The following PPP1CB variants were observed in gnomAD, a reference collection of about 807,000 sequenced individuals.
PPP1CB encodes protein phosphatase 1 catalytic subunit beta, also known as serine/threonine-protein phosphatase PP1-beta catalytic subunit.
In PPP1CB, 2 loss-of-function variants were observed where a neutral mutation model predicts 43.7. The observed-to-expected ratio is 0.05, with a 90% CI of 0.02 to 0.14. The LOEUF (loss-of-function observed/expected upper bound fraction) is 0.14, where lower values mean the gene tolerates loss of function less well. Ranked by LOEUF, PPP1CB falls within the 10% of genes least tolerant of loss-of-function variation. PPP1CB has a pLI of 1.00. For synonymous variants in PPP1CB, 136 were observed against 135.6 expected (o/e 1.00, Z -0.02); for missense variants, 84 against 398.0 (o/e 0.21, Z 6.71).
intron 5 of PPP1CB, among the ~76,000 whole-genome samples, chr2:28,787,844 A>G (rs80184438): frequency 0.019 from 2,855 of 152,222 alleles, 91 homozygotes; most frequent in African/African-American, 0.066. Context: ...TGTATTCCTA[A>G]GGTGGTCTGA....
rs1553312779 is a variant in PPP1CB at position 28,800,226 on chromosome 2, C to CTTTCTTT, written c.*926_*927insCTTTTTT. 9 of 65,624 alleles carry CTTTCTTT rather than the reference C, an allele frequency of 1.4e-4. No individual in the cohort carries two copies. Among genetic ancestry groups the CTTTCTTT allele is most frequent in the African/African-American group, 5.1e-4 (8 of 15,756 alleles). The allele number at this position is 65,624 out of a possible 1,614,324, so 4.1% of individuals were successfully genotyped here. On this transcript the variant is annotated 3_prime_UTR_variant, in exon 8 of 8. Coordinates refer to ENST00000395366, the MANE Select transcript of PPP1CB (RefSeq NM_002709.3). Reference sequence around the variant, plus strand: ...TTGGTTTTCTTTTTCTTTTTTCTTTCTTTTTTTTTTTTTTTTTTTTTTTGA... The same window carrying CTTTCTTT: ...TTGGTTTTCTTTTTCTTTTTTCTTTCTTTCTTTTTTTTTTTTTTTTTTTTTTTTTTGA...
intron 5 of PPP1CB, among the ~76,000 whole-genome samples, chr2:28,785,086 T>TTTTTTTTTTTTTTTTTTTC: frequency 8.5e-6 from 1 of 117,072 alleles, no homozygotes; most frequent in Non-Finnish European, 1.8e-5. Context: ...TTTTTTTTTT[T>TTTTTTTTTTTTTTTTTTTC]TTTTTTTGAG....
chr2:28,763,886 A>G (rs534626313), intron 1 of PPP1CB, among the ~76,000 whole-genome samples: 1 of 151,220 alleles, frequency 6.6e-6, no homozygotes, highest in Non-Finnish European at 1.5e-5. Flanking sequence ...TCGTATTTTT[A>G]GTAGAGACGG....
At chr2:28,761,997 T>G (rs894218743) in intron 1 of PPP1CB, among the ~76,000 whole-genome samples, 2 of 152,170 alleles carry the variant, frequency 1.3e-5, no homozygotes, top group Non-Finnish European at 2.9e-5. Flanking sequence ...AAAATTTCTG[T>G]TCTCGGCCGG....
chr2:28,767,129 T>G (rs1666796920), intron 1 of PPP1CB, among the ~76,000 whole-genome samples: 1 of 152,128 alleles, frequency 6.6e-6, no homozygotes, highest in African/African-American at 2.4e-5. Flanking sequence ...GTTCTTCAGC[T>G]TTTCCAATCA....
chr2:28,796,604 T>A (rs1476402598), intron 7 of PPP1CB, among the ~76,000 whole-genome samples: 2 of 152,198 alleles, frequency 1.3e-5, no homozygotes, highest in Non-Finnish European at 2.9e-5. Context: ...GAAATGCTAC[T>A]GGTTTTTATA....
At chr2:28,774,385 T>G (rs779056954) in intron 1 of PPP1CB, among the ~76,000 whole-genome samples, 1 of 152,168 alleles carries the variant, frequency 6.6e-6, no homozygotes, top group Non-Finnish European at 1.5e-5. Context: ...AGCTGTGTGT[T>G]TGTTATCTGA....
At chr2:28,788,239 A>G (rs183500949) in intron 5 of PPP1CB, among the ~76,000 whole-genome samples, 332 of 151,044 alleles carry the variant, frequency 2.2e-3, no homozygotes, top group Non-Finnish European at 2.6e-3. Context: ...CTCAGGGATA[A>G]GTAAAATAGA....
At position 28,802,598 on chromosome 2, in the gene PPP1CB, A is replaced by G. The variant is rs1041081449; in HGVS notation, c.*3295A>G. The G allele has an allele frequency of 1.3e-5, 2 of 152,262 alleles. No homozygotes were observed. Among genetic ancestry groups the G allele is most frequent in the African/African-American group, 4.8e-5 (2 of 41,460 alleles). 9.4% of individuals were successfully genotyped at this position (152,262 alleles called of 1,614,324 possible). ...GCAATGAACAGTAGTTAAATAGGAA[A>G]TAAACTAGTTCCATATAAGTATACA... is the stretch of plus-strand genomic sequence containing the variant. On this transcript the variant is annotated 3_prime_UTR_variant, in exon 8 of 8. Coordinates refer to ENST00000395366, the MANE Select transcript of PPP1CB (RefSeq NM_002709.3).
chr2:28,777,044 A>G, intron 2 of PPP1CB, 62 bp downstream of exon 2: 1 of 1,543,444 alleles, frequency 6.5e-7, no homozygotes, highest in Non-Finnish European at 8.8e-7. Flanking sequence ...CCCATGTTTA[A>G]GATCTAGAGA....
Position 28,751,838 on chromosome 2 carries a change from G to T in PPP1CB, c.-287G>T. On this transcript the variant is annotated 5_prime_UTR_variant, in exon 1 of 8. Transcript: ENST00000395366. ...CGGCGCTGGTGAGCTTTGCGGAGCTGGGCGGTGCCGAGGAGGAGGAGGTGG... is the reference window on the plus strand; with the variant it reads ...CGGCGCTGGTGAGCTTTGCGGAGCTTGGCGGTGCCGAGGAGGAGGAGGTGG... 1.9e-6 allele frequency: 1 copy of T among 527,112 alleles called. No homozygotes were observed. Among genetic ancestry groups the T allele is most frequent in the Non-Finnish European group, 3.5e-6 (1 of 289,568 alleles). 32.7% of individuals were successfully genotyped at this position (527,112 alleles called of 1,614,324 possible). A position where few individuals can be genotyped will look rare whatever the true frequency, so the allele number is the denominator to read the frequency against.
intron 7 of PPP1CB, among the ~76,000 whole-genome samples, chr2:28,797,041 T>C (rs1667509643): frequency 6.6e-6 from 1 of 152,192 alleles, no homozygotes; most frequent in African/African-American, 2.4e-5. Flanking sequence ...GATGATCATA[T>C]GGTGTTTGTT....
upstream of PPP1CB, chr2:28,751,664 A>G (rs147139861): frequency 8.1e-5 from 15 of 184,148 alleles, no homozygotes; most frequent in South Asian, 8.2e-4. Context: ...CGGCAGCGGG[A>G]GAAGCCGCTC....
chr2:28,778,387 G>T, intron 2 of PPP1CB: 2 of 471,816 alleles, frequency 4.2e-6, no homozygotes, highest in Non-Finnish European at 4.4e-6. Flanking sequence ...TCTGGCTCTG[G>T]GTCTCTCACA....
At chr2:28,785,415 A>C (rs944843235) in intron 5 of PPP1CB, among the ~76,000 whole-genome samples, 1 of 151,994 alleles carries the variant, frequency 6.6e-6, no homozygotes, top group Admixed American at 6.5e-5. Context: ...TGTTGTGTTG[A>C]TTATTTTTTA....
intron 1 of PPP1CB, among the ~76,000 whole-genome samples, chr2:28,762,114 A>G (rs1666670269): frequency 2.0e-5 from 3 of 152,076 alleles, no homozygotes; most frequent in Non-Finnish European, 4.4e-5. Flanking sequence ...GTGAAACCCC[A>G]TCTCCTAAAA....
At position 28,802,017 on chromosome 2, in the gene PPP1CB, A is replaced by G. The variant is rs1667629347; in HGVS notation, c.*2714A>G. The G allele has an allele frequency of 6.6e-6, 1 of 152,294 alleles. No individual in the cohort carries two copies. Among genetic ancestry groups the G allele is most frequent in the Non-Finnish European group, 1.5e-5 (1 of 68,026 alleles). The allele number at this position is 152,294 out of a possible 1,614,324, so 9.4% of individuals were successfully genotyped here. On this transcript the variant is annotated 3_prime_UTR_variant, in exon 8 of 8. Coordinates refer to ENST00000395366, the MANE Select transcript of PPP1CB (RefSeq NM_002709.3). ...AGTATCCATGCTGCCATATCCCTTC[A>G]TTGTAAAAAGTACCTAAACATTCGT...
At chr2:28,776,468 C>A (rs1008543926) in intron 1 of PPP1CB, among the ~76,000 whole-genome samples, 1 of 151,936 alleles carries the variant, frequency 6.6e-6, no homozygotes. Flanking sequence ...CCATGTTGAT[C>A]AAGCTGGTTT....
chr2:28,788,550 T>A, intron 5 of PPP1CB, 108 bp from the exon 6 acceptor site: 1 of 1,190,252 alleles, frequency 8.4e-7, no homozygotes, highest in Non-Finnish European at 1.2e-6. Flanking sequence ...GGTCATTGTT[T>A]AGTAAAAGGT....
Sources: allele counts gnomAD v4.1 joint callset (sites outside exome capture counted in the v4.1 genomes callset), GRCh38; gene constraint gnomAD v4.1.1; transcripts MANE v1.5; gene names NCBI Gene and HGNC (gene_info 2026-07-23, HGNC 2026-07-21).